Variants in ARID2 observed in about 807,000 individuals in gnomAD.
ARID2 encodes the protein AT-rich interaction domain 2.
A neutral mutation model predicts 184.6 loss-of-function variants in ARID2; 32 were observed. That is an observed-to-expected ratio of 0.17 (90% CI 0.13 to 0.23). The LOEUF is 0.23. ARID2 is among the 10% of genes least tolerant of loss of function. The pLI, the probability that ARID2 is intolerant of heterozygous loss-of-function variation, is 1.00. For missense variants in ARID2, 1,696 were observed against 2,197.6 expected (o/e 0.77, Z 4.56); for synonymous variants, 836 against 772.6 (o/e 1.08, Z -1.36).
At chr12:45,804,521 CTTTT>C (rs1242820580) in intron 3 of ARID2, among the ~76,000 whole-genome samples, 1 of 150,350 alleles carries the variant, frequency 6.7e-6, no homozygotes, top group Non-Finnish European at 1.5e-5. Flanking sequence ...TGTATGTAGT[CTTTT>C]TTTTAACTGC....
At chr12:45,828,662 G>C (rs563586711) in intron 6 of ARID2, among the ~76,000 whole-genome samples, 19 of 152,172 alleles carry the variant, frequency 1.2e-4, no homozygotes, top group African/African-American at 4.6e-4. Flanking sequence ...CTATTACAGT[G>C]AGTGTGCATT....
At chr12:45,771,978 G>T (rs966560383) in intron 3 of ARID2, among the ~76,000 whole-genome samples, 3 of 151,808 alleles carry the variant, frequency 2.0e-5, no homozygotes, top group Non-Finnish European at 4.4e-5. Context: ...GTATAAAACA[G>T]TGATATCACA....
chr12:45,868,203 G>T (rs1013344596), intron 16 of ARID2, among the ~76,000 whole-genome samples: 14 of 152,174 alleles, frequency 9.2e-5, no homozygotes, highest in African/African-American at 3.4e-4. Context: ...CACTTTGAGA[G>T]GCCAAGGCAG....
At chr12:45,743,687 G>T (rs1416635887) in intron 3 of ARID2, among the ~76,000 whole-genome samples, 1 of 152,220 alleles carries the variant, frequency 6.6e-6, no homozygotes, top group Non-Finnish European at 1.5e-5. Flanking sequence ...TTTTATGGGG[G>T]TTGCATTAAA....
In ARID2 at chr12:45,828,269, AG is replaced by A. The variant is rs373450599; in HGVS notation, c.705+6783del. Among the ~76,000 whole-genome samples the A allele has an allele frequency of 8.9e-3, 1,349 of 152,068 alleles. 26 individuals carry two copies. Among genetic ancestry groups the A allele is most frequent in the African/African-American group, 0.031 (1,299 of 41,500 alleles). ...TTTTGTTCAACATCATGTTTGTGAA[AG>A]TTTCATGCATATCGTTGCAAGTATT... On this transcript the variant is annotated intron_variant, in intron 6 of 20. Transcript: ENST00000334344.
At chr12:45,789,826 T>G (rs1184261403) in intron 3 of ARID2, among the ~76,000 whole-genome samples, 1 of 152,174 alleles carries the variant, frequency 6.6e-6, no homozygotes, top group Non-Finnish European at 1.5e-5. Flanking sequence ...TTTTTAAAGC[T>G]ATTTTGAAGG....
In ARID2 at chr12:45,849,792, G is replaced by T. The variant is rs1324233548; in HGVS notation, c.1912+16G>T. 1 of 1,599,022 alleles carries T rather than the reference G, an allele frequency of 6.3e-7. No individual in the cohort carries two copies. Among genetic ancestry groups the T allele is most frequent in the Admixed American group, 1.7e-5 (1 of 58,690 alleles). On this transcript the variant is annotated intron_variant, in intron 14 of 20. Transcript: ENST00000334344. ...TCACCTGCAGGTGTTAATTTTTATT[G>T]TATTTTTAAAGTATTACTGATTTAA...
intron 20 of ARID2, among the ~76,000 whole-genome samples, chr12:45,899,695 TTATATATATATATGGTTA>T: frequency 1.3e-5 from 1 of 78,728 alleles, no homozygotes; most frequent in African/African-American, 4.1e-5. Flanking sequence ...ATATATATGG[TTATATATATATATGGTTA>T]TATATATATG....
At chr12:45,795,228 C>G (rs1281349803) in intron 3 of ARID2, among the ~76,000 whole-genome samples, 1 of 152,156 alleles carries the variant, frequency 6.6e-6, no homozygotes, top group Non-Finnish European at 1.5e-5. Flanking sequence ...AAAGTCCCAT[C>G]TAGAACATTG....
intron 3 of ARID2, among the ~76,000 whole-genome samples, chr12:45,738,789 T>C (rs1941182586): frequency 1.7e-5 from 1 of 60,092 alleles, no homozygotes; most frequent in African/African-American, 4.8e-5. Context: ...CTTTTTTTTT[T>C]TTTTTTTTTT....
chr12:45,897,574 A>G (rs1158461077), intron 20 of ARID2, among the ~76,000 whole-genome samples: 6 of 152,160 alleles, frequency 3.9e-5, no homozygotes, highest in Non-Finnish European at 5.9e-5. Flanking sequence ...AACAAACAGA[A>G]TTACCTGTTT....
At chr12:45,740,851 A>G (rs1254015498) in intron 3 of ARID2, among the ~76,000 whole-genome samples, 2 of 152,136 alleles carry the variant, frequency 1.3e-5, no homozygotes, top group African/African-American at 4.8e-5. Flanking sequence ...GGAGTTGTCT[A>G]ATATTTTTTC....
chr12:45,897,796 TTATAG>T (rs1297333115), intron 20 of ARID2, among the ~76,000 whole-genome samples: 3 of 152,146 alleles, frequency 2.0e-5, no homozygotes, highest in Non-Finnish European at 2.9e-5. Flanking sequence ...AACAATTTAC[TTATAG>T]TAAAGTTCAC....
intron 3 of ARID2, among the ~76,000 whole-genome samples, chr12:45,787,200 T>A (rs982676706): frequency 6.6e-6 from 1 of 151,550 alleles, no homozygotes; most frequent in Non-Finnish European, 1.5e-5. Flanking sequence ...CATTCCACAA[T>A]GTATACCTAT....
chr12:45,735,683 T>A (rs1474845200), intron 3 of ARID2, among the ~76,000 whole-genome samples: 1 of 152,134 alleles, frequency 6.6e-6, no homozygotes, highest in Non-Finnish European at 1.5e-5. Flanking sequence ...GTTACGTTTT[T>A]AAAGGACATG....
intron 20 of ARID2, among the ~76,000 whole-genome samples, chr12:45,899,270 CA>C (rs774912363): frequency 0.044 from 2,029 of 46,142 alleles, 5 homozygotes; most frequent in Non-Finnish European, 0.05. Flanking sequence ...GACTCTGTCT[CA>C]AAAAAAAAAA....
Position 45,839,492 on chromosome 12 carries a change from C to T in ARID2, c.1494C>T (p.Ala498=), listed in dbSNP as rs1272133545. The change falls in exon 11 of 21, where the codon GCC becomes GCT. Residue 498 remains alanine, a synonymous_variant. Transcript: ENST00000334344. ...QVQTQTHVAS[A]PASRAVVAQH... is the part of the protein sequence containing the mutation. Reference sequence around the variant, plus strand: ...AAACCCAGACTCATGTAGCATCTGCCCCAGGTTAGTGTTTTCACATATTCT... The same window carrying T: ...AAACCCAGACTCATGTAGCATCTGCTCCAGGTTAGTGTTTTCACATATTCT... 3 of 1,609,292 alleles carry T rather than the reference C, an allele frequency of 1.9e-6. No individual in the cohort carries two copies. Among genetic ancestry groups the T allele is most frequent in the Middle Eastern group, 1.7e-4 (1 of 6,054 alleles).
chr12:45,786,125 ATTTATAAATATAAT>A (rs1942192929), intron 3 of ARID2, among the ~76,000 whole-genome samples: 1 of 152,208 alleles, frequency 6.6e-6, no homozygotes, highest in Non-Finnish European at 1.5e-5. Flanking sequence ...TGTGATTCAT[ATTTATAAATATAAT>A]TTTAACTGTA....
chr12:45,838,454 T>G (rs1001925971), intron 10 of ARID2, among the ~76,000 whole-genome samples: 4 of 152,198 alleles, frequency 2.6e-5, no homozygotes, highest in Admixed American at 1.3e-4. Context: ...TCAGAATCAC[T>G]TGAGAATCTT....
Sources: gnomAD v4.1 joint callset for allele counts (sites outside exome capture counted in the v4.1 genomes callset) on GRCh38, gnomAD v4.1.1 for gene constraint, MANE v1.5 for transcripts, NCBI Gene and HGNC (gene_info 2026-07-23, HGNC 2026-07-21) for gene names.